Variants in KATNIP observed in about 807,000 individuals in gnomAD.
KATNIP encodes katanin interacting protein, also known as katanin-interacting protein.
KATNIP carries 126 observed loss-of-function variants against 174.0 expected under a neutral mutation model. The observed-to-expected ratio is 0.72, with a 90% CI of 0.63 to 0.84. The LOEUF (loss-of-function observed/expected upper bound fraction) is 0.84, where lower values mean the gene tolerates loss of function less well. Among genes scored for constraint, KATNIP ranks in the 40% least tolerant of loss-of-function variants. KATNIP has a pLI of 0.00. For synonymous variants in KATNIP, 810 were observed against 835.7 expected, an observed-to-expected ratio of 0.97 and a Z score of 0.53; for missense variants, 1,958 against 2,109.7, an observed-to-expected ratio of 0.93 and a Z score of 1.41.
chr16:27,597,065 G>A (rs148881443), intron 2 of KATNIP, among the ~76,000 whole-genome samples: 5 of 151,950 alleles, frequency 3.3e-5, no homozygotes, highest in African/African-American at 7.2e-5. Flanking sequence ...ATGATGGTGC[G>A]TGCTGTGGTC....
intron 14 of KATNIP, among the ~76,000 whole-genome samples, chr16:27,731,545 G>A (rs889132542): frequency 3.3e-5 from 5 of 152,162 alleles, no homozygotes; most frequent in African/African-American, 1.2e-4. Flanking sequence ...ATACAGAAAG[G>A]CAGAGCAACT....
intron 14 of KATNIP, chr16:27,722,295 C>T (rs1326581013): frequency 1.3e-5 from 2 of 152,216 alleles, no homozygotes. Flanking sequence ...AAAGACTAGT[C>T]AAGTACAGTA....
At position 27,582,673 on chromosome 16, in the gene KATNIP, G is replaced by C. The variant is rs74016096; in HGVS notation, c.63+8717G>C. Reference sequence around the variant, plus strand: ...ATTCCTAGGCTAGTTCTATCACTCAGGCAAGTGACTTACCTTTTCGTGATT... The same window carrying C: ...ATTCCTAGGCTAGTTCTATCACTCACGCAAGTGACTTACCTTTTCGTGATT... On this transcript the variant is annotated intron_variant, in intron 2 of 27. Transcript: ENST00000261588. Among the ~76,000 whole-genome samples the C allele has an allele frequency of 2.5e-3, 379 of 152,292 alleles. 2 individuals are homozygous for C. Among genetic ancestry groups the C allele is most frequent in the African/African-American group, 8.7e-3 (362 of 41,558 alleles).
intron 2 of KATNIP, among the ~76,000 whole-genome samples, chr16:27,589,733 G>A (rs2075110226): frequency 6.6e-6 from 1 of 151,782 alleles, no homozygotes; most frequent in Non-Finnish European, 1.5e-5. Flanking sequence ...CTCTCTATCT[G>A]TATCTATTCT....
chr16:27,595,297 G>A (rs547480331), intron 2 of KATNIP, among the ~76,000 whole-genome samples: 4 of 152,192 alleles, frequency 2.6e-5, no homozygotes, highest in African/African-American at 7.2e-5. Context: ...TAAGGTGGGC[G>A]GATCACTTGA....
At chr16:27,629,847 C>G (rs1053477823) in intron 4 of KATNIP, among the ~76,000 whole-genome samples, 5 of 152,098 alleles carry the variant, frequency 3.3e-5, no homozygotes, top group African/African-American at 7.2e-5. Context: ...GACCCTGTAT[C>G]TGCAAAAAAT....
At chr16:27,566,492 T>A (rs2090094319) in intron 1 of KATNIP, among the ~76,000 whole-genome samples, 1 of 150,234 alleles carries the variant, frequency 6.7e-6, no homozygotes, top group Non-Finnish European at 1.5e-5. Flanking sequence ...GCCAAGATTG[T>A]GCCACTGCAC....
At chr16:27,618,795 G>A (rs995882525) in intron 3 of KATNIP, among the ~76,000 whole-genome samples, 4 of 152,196 alleles carry the variant, frequency 2.6e-5, no homozygotes, top group African/African-American at 9.7e-5. Context: ...ATTTGGCAGG[G>A]CTTGTGCAAG....
At position 27,681,488 on chromosome 16, in the gene KATNIP, C is replaced by G; in HGVS notation, c.898C>G (p.Gln300Glu). The change falls in exon 8 of 28, where the codon CAA becomes GAA. Residue 300 changes from glutamine (Q) to glutamate (E), a missense_variant. Physicochemically the swap from Gln to Glu is conservative, Grantham distance 29 (BLOSUM62 2). This residue lies in a region of KATNIP where 1,557 missense variants were observed against 1,617.8 expected (regional missense o/e 0.96). Transcript: ENST00000261588. ...CAAACCTGAGCCAAACCTGACTCCC[C>G]AAGCTCCTGCTGTATTCCCAGACCA... The part of the protein sequence containing the change: ...PTKPEPNLTP[Q>E]APAVFPDQER... The G allele has an allele frequency of 3.1e-6, 5 of 1,614,210 alleles. No homozygotes were observed. The highest frequency in any genetic ancestry group is 4.2e-6 in the Non-Finnish European group (5 of 1,180,044).
At chr16:27,553,697 A>G (rs1190279521) in intron 1 of KATNIP, among the ~76,000 whole-genome samples, 2 of 152,180 alleles carry the variant, frequency 1.3e-5, no homozygotes, top group East Asian at 3.8e-4. Flanking sequence ...ATAGTCAGGC[A>G]TGGTAGCATG....
rs149475253 is a variant in KATNIP at position 27,701,609 on chromosome 16, G to A, written c.1200G>A (p.Ala400=). ...ETLELLPITT[A]TTTQEPAGAA... Reference sequence around the variant, plus strand: ...CTCAGCTGCTTCCCATCACCACGGCGACTACTACTCAGGAGCCGGCCGGGG... The same window carrying A: ...CTCAGCTGCTTCCCATCACCACGGCAACTACTACTCAGGAGCCGGCCGGGG... The change falls in exon 11 of 28, where the codon GCG becomes GCA. Residue 400 remains alanine (A), a synonymous_variant. Coordinates refer to ENST00000261588, the MANE Select transcript of KATNIP (RefSeq NM_015202.5). 124 of 1,600,224 alleles carry A rather than the reference G, an allele frequency of 7.7e-5. No individual in the cohort carries two copies. The highest frequency in any genetic ancestry group is 1.2e-4 in the Admixed American group (7 of 58,272).
chr16:27,712,949 G>A (rs1030303513), intron 13 of KATNIP, among the ~76,000 whole-genome samples: 1 of 151,994 alleles, frequency 6.6e-6, no homozygotes, highest in African/African-American at 2.4e-5. Context: ...GGAACTACAG[G>A]CACACACTAC....
chr16:27,692,933 G>A (rs140231133), intron 8 of KATNIP, among the ~76,000 whole-genome samples: 3 of 152,306 alleles, frequency 2.0e-5, no homozygotes, highest in East Asian at 1.9e-4. Flanking sequence ...TCATTTCTGC[G>A]TTAGGGGCGA....
intron 8 of KATNIP, among the ~76,000 whole-genome samples, chr16:27,695,334 C>T (rs948217739): frequency 5.3e-5 from 8 of 152,236 alleles, no homozygotes; most frequent in Admixed American, 4.6e-4. Flanking sequence ...GCATGACCTG[C>T]GCTCCCCCAA....
At chr16:27,610,316 C>T (rs1047185407) in intron 2 of KATNIP, among the ~76,000 whole-genome samples, 5 of 152,248 alleles carry the variant, frequency 3.3e-5, no homozygotes, top group Non-Finnish European at 7.4e-5. Flanking sequence ...CAGTAGTTTT[C>T]ATATGGAGCT....
intron 8 of KATNIP, among the ~76,000 whole-genome samples, chr16:27,682,186 G>A (rs887705451): frequency 3.9e-5 from 6 of 152,224 alleles, no homozygotes; most frequent in African/African-American, 4.8e-5. Flanking sequence ...CAAAAGAGTC[G>A]ATGGTGAACA....
chr16:27,696,538 C>A (rs571822138), intron 8 of KATNIP, among the ~76,000 whole-genome samples: 1 of 152,218 alleles, frequency 6.6e-6, no homozygotes, highest in South Asian at 2.1e-4. Flanking sequence ...TGTTCCCCTG[C>A]TAGTATCCGT....
rs1207165022 is a variant in KATNIP at position 27,735,633 on chromosome 16, A to T, written c.1744-4408A>T. ...GAATCGACTTTTCTGACAGTCGGCA[A>T]ATGGTAGCCTGCCATCTGCAATTGG... On this transcript the variant is annotated intron_variant, in intron 14 of 27. Transcript: ENST00000261588. Among the ~76,000 whole-genome samples the T allele has an allele frequency of 2.0e-5, 3 of 152,328 alleles. No individual in the cohort carries two copies. The East Asian group carries it at 5.8e-4, about 29-fold the overall frequency.
chr16:27,610,500 T>A (rs1242368500), intron 2 of KATNIP, among the ~76,000 whole-genome samples: 1 of 152,132 alleles, frequency 6.6e-6, no homozygotes, highest in Admixed American at 6.6e-5. Context: ...AAGAAAGTTA[T>A]GGACTCTTCC....
Sources: allele counts gnomAD v4.1 joint callset (sites outside exome capture counted in the v4.1 genomes callset), GRCh38; gene constraint gnomAD v4.1.1; regional missense constraint gnomAD v4.1.1; transcripts MANE v1.5; gene names NCBI Gene and HGNC (gene_info 2026-07-23, HGNC 2026-07-21).